RPS6KA2: variants seen among roughly 807,000 people sequenced by gnomAD.
The protein encoded by RPS6KA2 is ribosomal protein S6 kinase A2, also known as ribosomal protein S6 kinase alpha-2.
RPS6KA2 carries 42 observed loss-of-function variants against 91.8 expected under a neutral mutation model. The observed-to-expected ratio is 0.46, with a 90% CI of 0.36 to 0.59. The LOEUF (loss-of-function observed/expected upper bound fraction) is 0.59, where lower values mean the gene tolerates loss of function less well. Ranked by LOEUF, RPS6KA2 falls within the 20% of genes least tolerant of loss-of-function variation. RPS6KA2 has a pLI of 0.00. For missense variants in RPS6KA2, 798 were observed against 978.5 expected (o/e 0.82, Z 2.46); for synonymous variants, 414 against 393.6 (o/e 1.05, Z -0.61).
intron 2 of RPS6KA2, among the ~76,000 whole-genome samples, chr6:166,822,684 T>C (rs991754750): frequency 6.6e-6 from 1 of 152,144 alleles, no homozygotes; most frequent in Admixed American, 6.5e-5. Context: ...TCTGTCTCCA[T>C]CCAGCAGAAA....
chr6:166,560,422 G>A (rs1339151360), intron 1 of RPS6KA2, among the ~76,000 whole-genome samples: 1 of 152,188 alleles, frequency 6.6e-6, no homozygotes, highest in African/African-American at 2.4e-5. Context: ...TCATTCCAAT[G>A]AGGCTTACAA....
At chr6:166,470,738 G>A (rs1245108758) in intron 10 of RPS6KA2, among the ~76,000 whole-genome samples, 1 of 152,226 alleles carries the variant, frequency 6.6e-6, no homozygotes, top group East Asian at 1.9e-4. Context: ...GCCCATTCAC[G>A]GAGGCACTAC....
chr6:166,711,643 G>A (rs922293942), intron 2 of RPS6KA2, among the ~76,000 whole-genome samples: 3 of 151,940 alleles, frequency 2.0e-5, no homozygotes, highest in African/African-American at 7.3e-5. Context: ...TAGCTGAGTC[G>A]AGGGAACAAA....
intron 11 of RPS6KA2, among the ~76,000 whole-genome samples, chr6:166,467,447 C>G (rs1267012325): frequency 2.0e-5 from 3 of 152,140 alleles, no homozygotes; most frequent in African/African-American, 7.2e-5. Flanking sequence ...GATATGAAAA[C>G]AGAGCAAGGC....
intron 2 of RPS6KA2, among the ~76,000 whole-genome samples, chr6:166,736,977 C>T (rs957441363): frequency 1.5e-4 from 21 of 137,622 alleles, no homozygotes; most frequent in African/African-American, 5.4e-4. Flanking sequence ...GAACCATAAC[C>T]GATGCAGGGG....
intron 15 of RPS6KA2, among the ~76,000 whole-genome samples, chr6:166,431,520 T>C (rs1203791675): frequency 6.6e-6 from 1 of 152,214 alleles, no homozygotes; most frequent in Admixed American, 6.5e-5. Flanking sequence ...ATCAGAGCCG[T>C]GCTGTTGCTT....
chr6:166,832,406 C>T (rs1283599377), intron 2 of RPS6KA2, among the ~76,000 whole-genome samples: 1 of 152,166 alleles, frequency 6.6e-6, no homozygotes, highest in Non-Finnish European at 1.5e-5. Context: ...TTTGAATCTA[C>T]TTCTGACAGA....
chr6:166,650,463 A>C (rs1161781496), intron 2 of RPS6KA2, among the ~76,000 whole-genome samples: 2 of 150,670 alleles, frequency 1.3e-5, no homozygotes, highest in African/African-American at 4.9e-5. Context: ...AGGGGGGTCC[A>C]TGTTCACCGT....
intron 2 of RPS6KA2, among the ~76,000 whole-genome samples, chr6:166,827,366 T>G (rs751491251): frequency 6.6e-6 from 1 of 151,394 alleles, no homozygotes; most frequent in Non-Finnish European, 1.5e-5. Flanking sequence ...TGTATATATC[T>G]ACAATGGAAC....
chr6:166,429,526 T>C (rs374437161), intron 16 of RPS6KA2, among the ~76,000 whole-genome samples: 3 of 152,190 alleles, frequency 2.0e-5, no homozygotes, highest in African/African-American at 7.2e-5. Context: ...TCTTGGCTCA[T>C]TGCAACCTCT....
At position 166,858,202 on chromosome 6, in the gene RPS6KA2, C is replaced by A; in HGVS notation, c.121G>T (p.Glu41Ter). 6.6e-7 allele frequency: 1 copy of A among 1,519,510 alleles called. No homozygotes were observed. Among genetic ancestry groups the A allele is most frequent in the Non-Finnish European group, 9.2e-7 (1 of 1,092,242 alleles). 94.1% of individuals were successfully genotyped at this position (1,519,510 alleles called of 1,614,324 possible). ...TGTAATAAAACGTGTATAGTTACTT[C>A]TTCTGCAGTGTCTTCTGTGGTGGGC... is the stretch of plus-strand genomic sequence containing the variant. The change falls in exon 2 of 22, where the codon GAA becomes TAA. Residue 41 changes from glutamate to a stop codon, truncating the protein, a stop_gained and splice_region_variant. Transcript: ENST00000503859. LOFTEE classifies it high-confidence loss of function.
rs187277340 is a variant in RPS6KA2, at chr6:166,687,392, A to G, written c.124-148608T>C. ...ACTGAGTGTCCATGGTGCTGTGTAT[A>G]TATTCACTATTGAAAGAACAACAGT... On this transcript the variant is annotated intron_variant, in intron 2 of 21. Transcript: ENST00000503859. Among the ~76,000 whole-genome samples the G allele has an allele frequency of 3.5e-3, 535 of 152,280 alleles. 3 individuals are homozygous for G. The highest frequency in any genetic ancestry group is 0.012 in the African/African-American group (519 of 41,560).
intron 2 of RPS6KA2, among the ~76,000 whole-genome samples, chr6:166,716,842 T>C (rs1790027732): frequency 6.6e-6 from 1 of 152,186 alleles, no homozygotes; most frequent in Non-Finnish European, 1.5e-5. Context: ...GTGTAAAGCA[T>C]GACTAAATTT....
intron 1 of RPS6KA2, among the ~76,000 whole-genome samples, chr6:166,861,205 A>G (rs1781038844): frequency 6.6e-6 from 1 of 152,270 alleles, no homozygotes; most frequent in Non-Finnish European, 1.5e-5. Context: ...ATAAGAATAA[A>G]TAAAATTTAA....
At chr6:166,531,832 C>G (rs77151964) in intron 2 of RPS6KA2, among the ~76,000 whole-genome samples, 6 of 152,212 alleles carry the variant, frequency 3.9e-5, no homozygotes, top group Admixed American at 3.3e-4. Context: ...AATACACTTA[C>G]GGATATTTGG....
intron 1 of RPS6KA2, among the ~76,000 whole-genome samples, chr6:166,613,371 T>G (rs1786261023): frequency 6.6e-6 from 1 of 152,228 alleles, no homozygotes; most frequent in South Asian, 2.1e-4. Flanking sequence ...ATGGAGTTTT[T>G]TCAAAACAAT....
At position 166,747,172 on chromosome 6, in the gene RPS6KA2, G is replaced by A. The variant is rs1050989305; in HGVS notation, c.123+111028C>T. 3.9e-5 allele frequency among the ~76,000 whole-genome samples: 6 copies of A among 152,116 alleles called. No homozygotes were observed. In the East Asian group the frequency reaches 1.2e-3, roughly 29 times the overall value. ...TCCTCTTCCTGGGGGTTGGGGGTGG[G>A]GATGAAAGTCTCAACCCTCTAATCC... On this transcript the variant is annotated intron_variant, in intron 2 of 21. Transcript: ENST00000503859.
chr6:166,731,860 T>TC (rs1041889991), intron 2 of RPS6KA2, among the ~76,000 whole-genome samples: 7 of 151,944 alleles, frequency 4.6e-5, no homozygotes, highest in African/African-American at 1.7e-4. Context: ...TCTAAAGGAC[T>TC]CCCCCGGGGC....
chr6:166,858,311 G>A, intron 1 of RPS6KA2: 1 of 1,037,672 alleles, frequency 9.6e-7, no homozygotes, highest in Non-Finnish European at 1.5e-6. Context: ...TGTGTTTGTA[G>A]GTGGCCTCAT....
Sources: allele counts gnomAD v4.1 joint callset (sites outside exome capture counted in the v4.1 genomes callset), GRCh38; gene constraint gnomAD v4.1.1; transcripts MANE v1.5; gene names NCBI Gene and HGNC (gene_info 2026-07-23, HGNC 2026-07-21).